MYLK4: variants seen among roughly 807,000 people sequenced by gnomAD.
MYLK4 encodes caMLCK like.
Under a neutral mutation model 48.1 loss-of-function variants are expected in MYLK4, and 46 were observed. That is an observed-to-expected ratio of 0.96 (90% confidence interval 0.75 to 1.22). The LOEUF is 1.22. Among genes scored for constraint, MYLK4 ranks in the 50% most tolerant of loss-of-function variants. The pLI, the probability that MYLK4 is intolerant of heterozygous loss-of-function variation, is 0.00. For missense variants in MYLK4, 451 were observed against 486.1 expected (o/e 0.93, Z 0.68); for synonymous variants, 170 against 180.8 (o/e 0.94, Z 0.48).
At position 2,666,557 on chromosome 6, in the gene MYLK4, A is replaced by T. The variant is rs1339835429; in HGVS notation, c.*1368T>A. ...AAAAACAAAGAATAAAGGCATTAAC[A>T]CAGCTGATTCAACACAACAGTTATT... is the stretch of plus-strand genomic sequence containing the variant. On this transcript the variant is annotated 3_prime_UTR_variant, in exon 13 of 13. Transcript: ENST00000274643. The T allele has an allele frequency of 6.6e-6, 1 of 152,130 alleles. No individual in the cohort carries two copies. Among genetic ancestry groups the T allele is most frequent in the Non-Finnish European group, 1.5e-5 (1 of 68,014 alleles). 9.4% of individuals were successfully genotyped at this position (152,130 alleles called of 1,614,324 possible). A position where few individuals can be genotyped will look rare whatever the true frequency, so the allele number is the denominator to read the frequency against.
chr6:2,686,644 G>A (rs9328116), intron 4 of MYLK4, among the ~76,000 whole-genome samples: 57,940 of 152,090 alleles, frequency 0.38, 11,677 homozygotes, highest in African/African-American at 0.52. Flanking sequence ...GAGGACTTCA[G>A]CGATGAAAGT....
rs1177271649 is a variant in MYLK4 at position 2,697,538 on chromosome 6, G to A, written c.160-4679C>T. Among the ~76,000 whole-genome samples the A allele has an allele frequency of 1.1e-4, 16 of 152,310 alleles. No homozygotes were observed. In the East Asian group the frequency reaches 2.5e-3, roughly 24 times the overall value. On this transcript the variant is annotated intron_variant, in intron 2 of 12. Transcript: ENST00000274643. Reference sequence around the variant, plus strand: ...GGGCATGAGTGCGCTCTCGCCCTGCGTCACAGACCTGTCCCAGTACTACAT... The same window carrying A: ...GGGCATGAGTGCGCTCTCGCCCTGCATCACAGACCTGTCCCAGTACTACAT...
At position 2,665,329 on chromosome 6, in the gene MYLK4, T is replaced by G. The variant is rs1397045120; in HGVS notation, c.*2596A>C. 1 of 152,094 alleles carries G rather than the reference T, an allele frequency of 6.6e-6. No individual in the cohort carries two copies. Among genetic ancestry groups the G allele is most frequent in the Non-Finnish European group, 1.5e-5 (1 of 68,060 alleles). 9.4% of individuals were successfully genotyped at this position (152,094 alleles called of 1,614,324 possible). A position where few individuals can be genotyped will look rare whatever the true frequency, so the allele number is the denominator to read the frequency against. The stretch of plus-strand genomic sequence containing the variant: ...GGCGGGATGAACACTAGACTGATAA[T>G]CTCCCATTTCAAGTAACTCTAGACT... On this transcript the variant is annotated 3_prime_UTR_variant, in exon 13 of 13. Coordinates refer to ENST00000274643, the MANE Select transcript of MYLK4 (RefSeq NM_001012418.5).
At chr6:2,674,063 A>G (rs1760996020) in intron 11 of MYLK4, among the ~76,000 whole-genome samples, 1 of 152,210 alleles carries the variant, frequency 6.6e-6, no homozygotes. Context: ...CCTGGTGGAA[A>G]CATCTAGTAC....
chr6:2,765,401 C>G, the MYLK4 span: 1 of 417,022 alleles, frequency 2.4e-6, no homozygotes, highest in Non-Finnish European at 3.8e-6. Context: ...CTACACTTCC[C>G]GACACGCCGC....
chr6:2,737,768 A>G (rs1490627180), intron 2 of MYLK4, among the ~76,000 whole-genome samples: 7 of 152,168 alleles, frequency 4.6e-5, no homozygotes, highest in Non-Finnish European at 1.0e-4. Flanking sequence ...CCTTCAGGAA[A>G]CTAGATCTGT....
At chr6:2,679,193 C>T (rs1204018222) in intron 9 of MYLK4, 87 bp downstream of exon 9, 1 of 1,485,110 alleles carries the variant, frequency 6.7e-7, no homozygotes, top group Non-Finnish European at 9.3e-7. Flanking sequence ...TTAAATACCC[C>T]AATTGGGGCT....
chr6:2,766,417 C>A, the MYLK4 span: 7 of 1,592,526 alleles, frequency 4.4e-6, no homozygotes, highest in African/African-American at 8.0e-5. Flanking sequence ...CCTCGCTTAT[C>A]CTGTGGGGGC....
In MYLK4 at chr6:2,665,813, CTAAG is replaced by C. The variant is rs1760627270; in HGVS notation, c.*2108_*2111del. ...TGAATGCCAGCTCTCTGCGGTCTAACTAAGTATTAATGCATGCACTGGCTTGTAT... is the reference window on the plus strand; with the variant it reads ...TGAATGCCAGCTCTCTGCGGTCTAACTATTAATGCATGCACTGGCTTGTAT... On this transcript the variant is annotated 3_prime_UTR_variant, in exon 13 of 13. Transcript: ENST00000274643. 1.3e-5 allele frequency: 2 copies of C among 152,148 alleles called. No homozygotes were observed. Among genetic ancestry groups the C allele is most frequent in the Non-Finnish European group, 2.9e-5 (2 of 68,014 alleles). 9.4% of individuals were successfully genotyped at this position (152,148 alleles called of 1,614,324 possible).
intron 2 of MYLK4, among the ~76,000 whole-genome samples, chr6:2,739,731 G>C (rs1763823806): frequency 2.0e-5 from 3 of 152,214 alleles, no homozygotes; most frequent in South Asian, 4.1e-4. Context: ...GCACTGTACA[G>C]GTTGTATCTC....
At chr6:2,680,144 A>G in intron 8 of MYLK4, 77 bp downstream of exon 8, 13 of 1,471,360 alleles carry the variant, frequency 8.8e-6, no homozygotes, top group Non-Finnish European at 1.1e-5. Context: ...AGAGCAGATC[A>G]GATATATGTT....
chr6:2,690,834 T>TTTTTTTTTTTG (rs1761756812), intron 3 of MYLK4, among the ~76,000 whole-genome samples: 1 of 138,858 alleles, frequency 7.2e-6, no homozygotes, highest in African/African-American at 2.8e-5. Flanking sequence ...TTTTTTTTTT[T>TTTTTTTTTTTG]TTTTTTTTTT....
intron 2 of MYLK4, among the ~76,000 whole-genome samples, chr6:2,719,606 G>T (rs1411697454): frequency 1.3e-5 from 2 of 152,034 alleles, no homozygotes; most frequent in African/African-American, 4.8e-5. Flanking sequence ...AATTATAAAT[G>T]GCATGATATA....
At chr6:2,680,838 C>G (rs1761273090) in intron 7 of MYLK4, among the ~76,000 whole-genome samples, 1 of 152,174 alleles carries the variant, frequency 6.6e-6, no homozygotes, top group African/African-American at 2.4e-5. Flanking sequence ...TCCAGTCGTT[C>G]TTCAGTCTCA....
intron 2 of MYLK4, among the ~76,000 whole-genome samples, chr6:2,701,374 C>G (rs1004933125): frequency 6.6e-6 from 1 of 152,100 alleles, no homozygotes; most frequent in Non-Finnish European, 1.5e-5. Context: ...GCACGCCGGC[C>G]GAGGCTCAGA....
intron 2 of MYLK4, among the ~76,000 whole-genome samples, chr6:2,724,528 C>T (rs1763185215): frequency 6.6e-6 from 1 of 152,158 alleles, no homozygotes; most frequent in African/African-American, 2.4e-5. Flanking sequence ...AAAGGGAAAT[C>T]ATGAAGGGAA....
chr6:2,760,811 G>A, the MYLK4 span, among the ~76,000 whole-genome samples: 21 of 152,188 alleles, frequency 1.4e-4, no homozygotes, highest in African/African-American at 4.8e-4. Flanking sequence ...ACAATAGTAA[G>A]GAAATATATA....
chr6:2,719,487 C>CAAGG (rs1762991220), intron 2 of MYLK4, among the ~76,000 whole-genome samples: 1 of 152,156 alleles, frequency 6.6e-6, no homozygotes, highest in South Asian at 2.1e-4. Flanking sequence ...CAGTAACTTC[C>CAAGG]TACCCAGCTA....
In MYLK4 at chr6:2,672,662, T is replaced by C. The variant is rs530474717; in HGVS notation, c.1120-1314A>G. 3.3e-5 allele frequency among the ~76,000 whole-genome samples: 5 copies of C among 152,342 alleles called. No individual in the cohort carries two copies. Among genetic ancestry groups the C allele is most frequent in the African/African-American group, 1.2e-4 (5 of 41,586 alleles). On this transcript the variant is annotated intron_variant, in intron 11 of 12. Transcript: ENST00000274643. The surrounding 1 kb of genome is among the most constrained non-coding windows in gnomAD (Gnocchi z 4.3). ...AAATAAGCCTTCTGGAAAACTTTCG[T>C]CTCAATATTTCCTTGAAAAGTAAGA...
Sources: allele counts gnomAD v4.1 joint callset (sites outside exome capture counted in the v4.1 genomes callset), GRCh38; gene constraint gnomAD v4.1.1; non-coding constraint Gnocchi (gnomAD v3.1); transcripts MANE v1.5; gene names NCBI Gene and HGNC (gene_info 2026-07-23, HGNC 2026-07-21).